Variants in NRG1 observed in about 807,000 individuals in gnomAD.
The protein encoded by NRG1 is neuregulin 1, also known as pro-neuregulin-1, membrane-bound isoform.
Under a neutral mutation model 63.8 loss-of-function variants are expected in NRG1, and 18 were observed. The observed-to-expected ratio is 0.28, with a 90% CI of 0.19 to 0.42. The LOEUF is 0.42. Ranked by LOEUF, NRG1 falls within the 10% of genes least tolerant of loss-of-function variation. The probability of loss-of-function intolerance (pLI) is 1.00; values close to 1 mark genes in which losing one functional copy is unlikely to be tolerated. For synonymous variants in NRG1, 302 were observed against 301.3 expected (o/e 1.00, Z -0.02); for missense variants, 762 against 814.7 (o/e 0.94, Z 0.79).
chr8:32,613,649 AGAAAATGT>A (rs1441878434), intron 3 of NRG1, among the ~76,000 whole-genome samples: 2 of 152,062 alleles, frequency 1.3e-5, no homozygotes. Context: ...TGTCCTGGTT[AGAAAATGT>A]GAACTACCAT....
At chr8:32,154,286 T>A (rs908500275) in intron 1 of NRG1, among the ~76,000 whole-genome samples, 43 of 152,124 alleles carry the variant, frequency 2.8e-4, no homozygotes, top group African/African-American at 9.2e-4. Flanking sequence ...CCTTTTGCTC[T>A]CCCCCTCTTC....
At chr8:32,762,372 T>C (rs1211079503) in intron 11 of NRG1, among the ~76,000 whole-genome samples, 2 of 152,198 alleles carry the variant, frequency 1.3e-5, no homozygotes, top group Non-Finnish European at 2.9e-5. Context: ...GCTGGGCTTC[T>C]AGATGATATC....
intron 1 of NRG1, among the ~76,000 whole-genome samples, chr8:31,747,349 A>T (rs1427382818): frequency 6.6e-6 from 1 of 151,860 alleles, no homozygotes; most frequent in Non-Finnish European, 1.5e-5. Flanking sequence ...ATTTCACACA[A>T]GGCACTGCCT....
At chr8:31,856,096 G>C (rs1434461274) in intron 1 of NRG1, among the ~76,000 whole-genome samples, 7 of 151,082 alleles carry the variant, frequency 4.6e-5, no homozygotes, top group Admixed American at 6.6e-5. Context: ...GTGTCTTGGA[G>C]TTGCTCTTCT....
At chr8:32,451,309 C>G (rs2347497) in intron 1 of NRG1, among the ~76,000 whole-genome samples, 1 of 151,966 alleles carries the variant, frequency 6.6e-6, no homozygotes, top group Non-Finnish European at 1.5e-5. Flanking sequence ...CTGCCCTAGT[C>G]ACCATGACAT....
At chr8:32,372,200 G>C (rs1191103022) in intron 1 of NRG1, among the ~76,000 whole-genome samples, 1 of 151,882 alleles carries the variant, frequency 6.6e-6, no homozygotes, top group African/African-American at 2.4e-5. Context: ...TGTTGCACAG[G>C]CTGGTCTCAA....
At chr8:32,769,897 A>T (rs1031390958), downstream of NRG1, among the ~76,000 whole-genome samples, 2 of 152,144 alleles carry the variant, frequency 1.3e-5, no homozygotes, top group African/African-American at 4.8e-5. Context: ...CATGCTTCAA[A>T]ACTTTATTCA....
chr8:31,664,846 G>C (rs1366390887), intron 1 of NRG1, among the ~76,000 whole-genome samples: 1 of 152,182 alleles, frequency 6.6e-6, no homozygotes, highest in Non-Finnish European at 1.5e-5. Flanking sequence ...TACTATGGAA[G>C]ATAAAGTGAT....
intron 1 of NRG1, among the ~76,000 whole-genome samples, chr8:32,259,125 G>C (rs1313104683): frequency 6.6e-6 from 1 of 152,164 alleles, no homozygotes; most frequent in African/African-American, 2.4e-5. Flanking sequence ...TCTAACTTGA[G>C]ACTTACCTTC....
At chr8:31,971,894 T>G (rs1049703247) in intron 1 of NRG1, among the ~76,000 whole-genome samples, 12 of 152,190 alleles carry the variant, frequency 7.9e-5, no homozygotes, top group African/African-American at 2.4e-4. Context: ...CGTCATCTTC[T>G]GCTGGCTTAA....
chr8:32,642,893 T>C (rs766816677), intron 5 of NRG1, among the ~76,000 whole-genome samples: 5 of 152,214 alleles, frequency 3.3e-5, no homozygotes, highest in African/African-American at 7.2e-5. Context: ...TTTATCATTC[T>C]CTTTCATCTG....
intron 1 of NRG1, among the ~76,000 whole-genome samples, chr8:32,359,985 A>C (rs1203020693): frequency 1.3e-5 from 2 of 152,192 alleles, no homozygotes; most frequent in East Asian, 3.8e-4. Flanking sequence ...TAGCCTGTGG[A>C]AAGTTCTACC....
At chr8:32,175,065 C>T (rs1053511371) in intron 1 of NRG1, among the ~76,000 whole-genome samples, 10 of 152,082 alleles carry the variant, frequency 6.6e-5, no homozygotes, top group African/African-American at 2.2e-4. Flanking sequence ...TGATGAACAT[C>T]GATGCAAAAA....
At chr8:32,740,190 C>CTTTTTTTT (rs35219061) in intron 6 of NRG1, among the ~76,000 whole-genome samples, 2 of 92,514 alleles carry the variant, frequency 2.2e-5, no homozygotes, top group Non-Finnish European at 3.9e-5. Flanking sequence ...GACCCAACCT[C>CTTTTTTTT]TTTTTTTTTT....
intron 5 of NRG1, among the ~76,000 whole-genome samples, chr8:32,696,655 T>G (rs1377655764): frequency 8.5e-6 from 1 of 118,290 alleles, no homozygotes; most frequent in Non-Finnish European, 1.7e-5. Flanking sequence ...ATATAATCTA[T>G]CTTTTTTTTT....
chr8:32,665,107 G>T (rs2954041), intron 5 of NRG1, among the ~76,000 whole-genome samples: 7,934 of 152,188 alleles, frequency 0.052, 642 homozygotes, highest in East Asian at 0.37. Flanking sequence ...GCTGATGAAT[G>T]AAACCTCTTT....
intron 1 of NRG1, among the ~76,000 whole-genome samples, chr8:32,203,122 T>G (rs1843661251): frequency 6.6e-6 from 1 of 151,890 alleles, no homozygotes; most frequent in Non-Finnish European, 1.5e-5. Flanking sequence ...CCACTGGCTT[T>G]GTGGTCCTGA....
At chr8:32,049,432 T>G (rs1821618762) in intron 1 of NRG1, among the ~76,000 whole-genome samples, 1 of 152,136 alleles carries the variant, frequency 6.6e-6, no homozygotes, top group Admixed American at 6.6e-5. Context: ...ACACTTGTTG[T>G]TTTATTTATT....
intron 1 of NRG1, among the ~76,000 whole-genome samples, chr8:32,195,727 A>G (rs1274767160): frequency 6.6e-6 from 1 of 152,216 alleles, no homozygotes; most frequent in Non-Finnish European, 1.5e-5. Flanking sequence ...TTCACTGACA[A>G]AGTTTAGTTA....
Sources: allele counts gnomAD v4.1 joint callset (sites outside exome capture counted in the v4.1 genomes callset), GRCh38; gene constraint gnomAD v4.1.1; transcripts MANE v1.5; gene names NCBI Gene and HGNC (gene_info 2026-07-23, HGNC 2026-07-21).